The following CGN variants were observed in gnomAD, a reference collection of about 807,000 sequenced individuals.
The protein encoded by CGN is cingulin.
A neutral mutation model predicts 157.1 loss-of-function variants in CGN; 121 were observed. The ratio of observed to expected loss-of-function variants is 0.77; its 90% confidence interval spans 0.66 to 0.90. The LOEUF (loss-of-function observed/expected upper bound fraction) is 0.90. Ranked by LOEUF, CGN falls within the 40% of genes least tolerant of loss-of-function variation. The pLI is 0.00. For synonymous variants in CGN, 535 were observed against 607.5 expected (o/e 0.88, Z 1.76); for missense variants, 1,424 against 1,520.9 (o/e 0.94, Z 1.06).
In CGN at chr1:151,519,136, C is replaced by G; in HGVS notation, c.617C>G (p.Pro206Arg). Residue 206 changes from proline to arginine, a missense_variant, in exon 2 of 21, where the codon CCT becomes CGT. By Grantham distance (103) the Pro-to-Arg change is moderately radical (BLOSUM62 -2). Coordinates refer to ENST00000271636, the MANE Select transcript of CGN (RefSeq NM_020770.3). ...GGCCGCCGAACACGGATGCTACCCC[C>G]TGAACAGCGCAAACGGAGCAAGAGC... ...RTGRRTRMLP[P>R]EQRKRSKSLD... is the part of the protein sequence containing the mutation. 6.2e-7 allele frequency: 1 copy of G among 1,614,130 alleles called. No homozygotes were observed. The highest frequency in any genetic ancestry group is 8.5e-7 in the Non-Finnish European group (1 of 1,180,046).
chr1:151,524,481 G>C lies in CGN; in HGVS notation c.1401+123G>C. On this transcript the variant is annotated intron_variant, in intron 7 of 20. Transcript: ENST00000271636. The surrounding 1 kb of genome is among the most constrained non-coding windows in gnomAD (Gnocchi z 4.4). ...GTGGCTGATTACAGGTACTCAGTGT[G>C]CTTTCAGGTAGATTCAATGGTGTGT... 7.0e-7 allele frequency: 1 copy of C among 1,425,404 alleles called. No homozygotes were observed. The highest frequency in any genetic ancestry group is 1.3e-5 in the South Asian group (1 of 78,228). The allele number at this position is 1,425,404 out of a possible 1,614,324, so 88.3% of individuals were successfully genotyped here. A position where few individuals can be genotyped will look rare whatever the true frequency, so the allele number is the denominator to read the frequency against.
chr1:151,537,222 C>T lies in CGN; in HGVS notation c.3488C>T (p.Ser1163Leu), dbSNP rs1204447371. Reference sequence around the variant, plus strand: ...TGAGTCAGGCGCAAAGCTTCCCGCTCAGCTGCTGAGTCAGCTCTCAAAAAC... The same window carrying T: ...TGAGTCAGGCGCAAAGCTTCCCGCTTAGCTGCTGAGTCAGCTCTCAAAAAC... ...EKDSWRKASR[S>L]AAESALKNEG... The change falls in exon 21 of 21, where the codon TCA becomes TTA. Residue 1163 changes from serine to leucine, a missense_variant. By Grantham distance (145) the Ser-to-Leu change is moderately radical (BLOSUM62 -2). Transcript: ENST00000271636. 4 of 1,613,730 alleles carry T rather than the reference C, an allele frequency of 2.5e-6. No homozygotes were observed. In the Admixed American group the frequency reaches 5.0e-5, roughly 20 times the overall value.
intron 20 of CGN, 124 bp downstream of exon 20, chr1:151,537,017 G>A (rs1664983541): frequency 1.5e-5 from 19 of 1,233,378 alleles, no homozygotes; most frequent in Non-Finnish European, 2.1e-5. Flanking sequence ...GTTTCTGGTT[G>A]GAAGCCAGTA....
At chr1:151,517,365 G>T (rs1264261704) in intron 1 of CGN, among the ~76,000 whole-genome samples, 1 of 152,124 alleles carries the variant, frequency 6.6e-6, no homozygotes, top group African/African-American at 2.4e-5. Context: ...CCAGAAGTGG[G>T]ATGATATACT....
intron 13 of CGN, among the ~76,000 whole-genome samples, chr1:151,531,547 A>C (rs914775951): frequency 2.0e-5 from 3 of 151,878 alleles, no homozygotes; most frequent in African/African-American, 7.3e-5. Context: ...ATTCCCAGCT[A>C]CTCGGAAGGC....
rs755488907 is a variant in CGN, at chr1:151,530,629, A to G, written c.2454A>G (p.Thr818=). The change falls in exon 13 of 21, where the codon ACA becomes ACG. Residue 818 remains threonine, a synonymous_variant. Coordinates refer to ENST00000271636, the MANE Select transcript of CGN (RefSeq NM_020770.3). The part of the protein sequence containing the change: ...GLARLGQEQQ[T]LNRALEEEGK... ...CCCGCCTGGGGCAGGAGCAGCAGAC[A>G]CTGAACCGGGCCCTGGAGGAGGAAG... 1 of 1,606,196 alleles carries G rather than the reference A, an allele frequency of 6.2e-7. No homozygotes were observed. The highest frequency in any genetic ancestry group is 1.7e-5 in the Admixed American group (1 of 58,300).
chr1:151,517,835 A>G (rs112873154), intron 1 of CGN, among the ~76,000 whole-genome samples: 3 of 150,210 alleles, frequency 2.0e-5, no homozygotes, highest in African/African-American at 4.9e-5. Flanking sequence ...ATATGTATGT[A>G]TGAAGATCAA....
chr1:151,535,172 C>A, intron 16 of CGN, 41 bp downstream of exon 16: 8 of 1,437,802 alleles, frequency 5.6e-6, no homozygotes, highest in South Asian at 2.3e-5. Context: ...CCCCTGACTG[C>A]ATCACCTCTT....
At chr1:151,531,180 C>T (rs1664828933) in intron 13 of CGN, among the ~76,000 whole-genome samples, 2 of 152,152 alleles carry the variant, frequency 1.3e-5, no homozygotes, top group Admixed American at 6.6e-5. Context: ...TTGCTTTCCT[C>T]AAGTTCATTG....
Position 151,534,095 on chromosome 1 carries a change from C to T in CGN, c.2863C>T (p.Arg955Cys), listed in dbSNP as rs1019252185. ...GLEQEAENKK[R>C]SQDDRARQLK... ...GGAGCAAGAGGCAGAGAACAAGAAG[C>T]GTTCCCAGGACGACAGGGCCCGGCA... The change falls in exon 15 of 21, where the codon CGT (arginine) becomes TGT (cysteine). Residue 955 changes from arginine to cysteine, a missense_variant. Coordinates refer to ENST00000271636, the MANE Select transcript of CGN (RefSeq NM_020770.3). The T allele has an allele frequency of 4.3e-6, 7 of 1,610,336 alleles. No homozygotes were observed. The highest frequency in any genetic ancestry group is 2.7e-5 in the African/African-American group (2 of 74,806).
chr1:151,525,154 T>C (rs1664643326), intron 8 of CGN, among the ~76,000 whole-genome samples: 1 of 151,918 alleles, frequency 6.6e-6, no homozygotes, highest in South Asian at 2.1e-4. Flanking sequence ...CCCAGCACTT[T>C]GGGAGGCTGA....
At position 151,519,134 on chromosome 1, in the gene CGN, C is replaced by G. The variant is rs200463676; in HGVS notation, c.615C>G (p.Pro205=). 1 of 1,614,104 alleles carries G rather than the reference C, an allele frequency of 6.2e-7. No homozygotes were observed. The highest frequency in any genetic ancestry group is 2.2e-5 in the East Asian group (1 of 44,890). The stretch of plus-strand genomic sequence containing the variant: ...CTGGCCGCCGAACACGGATGCTACC[C>G]CCTGAACAGCGCAAACGGAGCAAGA... ...GRTGRRTRML[P]PEQRKRSKSL... is the part of the protein sequence containing the mutation. The change falls in exon 2 of 21, where the codon CCC becomes CCG. Residue 205 remains proline, a synonymous_variant. Coordinates refer to ENST00000271636, the MANE Select transcript of CGN (RefSeq NM_020770.3).
At chr1:151,532,666 C>T in intron 14 of CGN, 94 bp downstream of exon 14, 1 of 1,067,810 alleles carries the variant, frequency 9.4e-7, no homozygotes, top group Middle Eastern at 3.6e-4. Context: ...GTCGCCCAGG[C>T]TGGAGTTCAG....
chr1:151,532,612 C>CTTTTT (rs34388063), intron 14 of CGN, 40 bp downstream of exon 14: 42 of 537,240 alleles, frequency 7.8e-5, no homozygotes, highest in South Asian at 4.3e-4. Context: ...GTCCTTGCCT[C>CTTTTT]TTTTTTTTTT....
intron 10 of CGN, 39 bp from the exon 11 acceptor site, chr1:151,529,311 G>C: frequency 6.4e-7 from 1 of 1,562,138 alleles, no homozygotes; most frequent in Non-Finnish European, 8.8e-7. Context: ...ATCTTAGTCT[G>C]GCTCTGGGTG....
chr1:151,514,562 A>G (rs1664365896), intron 1 of CGN, among the ~76,000 whole-genome samples: 1 of 151,940 alleles, frequency 6.6e-6, no homozygotes, highest in Non-Finnish European at 1.5e-5. Context: ...CCTTTAACAA[A>G]TATTTGTTGA....
chr1:151,532,572 G>A lies in CGN; in HGVS notation c.2742G>A (p.Glu914=). The change falls in exon 14 of 21, where the codon GAG becomes GAA. Residue 914 remains glutamate, a splice_region_variant and synonymous_variant. Transcript: ENST00000271636. ...GAGGACTGAGCCGACTTCAGGATGA[G>A]GTAGAAGTCTAATATCCTTGGGTTT... ...TSGGLSRLQD[E]IQRLRQALQA... is the part of the protein sequence containing the mutation. 1 of 1,506,478 alleles carries A rather than the reference G, an allele frequency of 6.6e-7. No individual in the cohort carries two copies. The highest frequency in any genetic ancestry group is 8.9e-7 in the Non-Finnish European group (1 of 1,129,886). The allele number at this position is 1,506,478 out of a possible 1,614,324, so 93.3% of individuals were successfully genotyped here.
rs761407963 is a variant in CGN, at chr1:151,525,730, CAG to C, written c.1704_1705del (p.Gly569AlafsTer14). 1.2e-6 allele frequency: 2 copies of C among 1,611,898 alleles called. No homozygotes were observed. Among genetic ancestry groups the C allele is most frequent in the South Asian group, 1.1e-5 (1 of 90,974 alleles). The stretch of plus-strand genomic sequence containing the variant: ...GAGCTGGAGGAGACTTCAGAGGAGA[CAG>C]GGCATTGGCAGAGTATGTTCCAGAA... On this transcript the variant is annotated frameshift_variant, in exon 9 of 21. Coordinates refer to ENST00000271636, the MANE Select transcript of CGN (RefSeq NM_020770.3). LOFTEE classifies it high-confidence loss of function.
At position 151,537,461 on chromosome 1, in the gene CGN, A is replaced by G; in HGVS notation, c.*115A>G. 1.1e-6 allele frequency: 1 copy of G among 881,050 alleles called. No homozygotes were observed. Among genetic ancestry groups the G allele is most frequent in the Non-Finnish European group, 1.7e-6 (1 of 592,366 alleles). The allele number at this position is 881,050 out of a possible 1,614,324, so 54.6% of individuals were successfully genotyped here. The stretch of plus-strand genomic sequence containing the variant: ...ATGGGTGACCCAATTATTCAGACCT[A>G]AGACAGGGAGGGGTCAGAGTGATGG... On this transcript the variant is annotated 3_prime_UTR_variant, in exon 21 of 21. Transcript: ENST00000271636.
Sources: allele counts gnomAD v4.1 joint callset (sites outside exome capture counted in the v4.1 genomes callset), GRCh38; gene constraint gnomAD v4.1.1; non-coding constraint Gnocchi (gnomAD v3.1); transcripts MANE v1.5; gene names NCBI Gene and HGNC (gene_info 2026-07-23, HGNC 2026-07-21).